The following DNAJC5 variants were observed in gnomAD, a reference collection of about 807,000 sequenced individuals.
DNAJC5 encodes DnaJ heat shock protein family (Hsp40) member C5.
DNAJC5 carries 1 observed loss-of-function variant against 23.2 expected under a neutral mutation model. The observed-to-expected ratio is 0.04, with a 90% CI of 0.02 to 0.20. The LOEUF is 0.20. Among genes scored for constraint, DNAJC5 ranks in the 10% least tolerant of loss-of-function variants. DNAJC5 has a pLI of 1.00. For missense variants in DNAJC5, 180 were observed against 267.0 expected, an observed-to-expected ratio of 0.67 and a Z score of 2.27; for synonymous variants, 136 against 120.0, an observed-to-expected ratio of 1.13 and a Z score of -0.87.
chr20:63,915,078 C>G (rs752557657), intron 1 of DNAJC5, among the ~76,000 whole-genome samples: 2 of 152,106 alleles, frequency 1.3e-5, no homozygotes, highest in Non-Finnish European at 2.9e-5. Context: ...CAGGGAGAGA[C>G]GGGCTGCTCC....
At chr20:63,919,147 C>G (rs1356140622) in intron 1 of DNAJC5, among the ~76,000 whole-genome samples, 3 of 152,166 alleles carry the variant, frequency 2.0e-5, no homozygotes, top group African/African-American at 7.2e-5. Context: ...CCCTGAAGAT[C>G]TTTAAGTCTT....
chr20:63,910,466 C>T (rs909540026), intron 1 of DNAJC5, among the ~76,000 whole-genome samples: 2 of 151,338 alleles, frequency 1.3e-5, no homozygotes, highest in African/African-American at 4.9e-5. Context: ...TGGCGTGAAC[C>T]TGGGAGGCAG....
intron 1 of DNAJC5, among the ~76,000 whole-genome samples, chr20:63,907,787 G>A (rs907568821): frequency 2.6e-5 from 4 of 152,206 alleles, no homozygotes; most frequent in Non-Finnish European, 5.9e-5. Context: ...TTTGTTTTGA[G>A]ACGGAGTCTC....
At chr20:63,905,578 T>C (rs2053443491) in intron 1 of DNAJC5, among the ~76,000 whole-genome samples, 1 of 151,406 alleles carries the variant, frequency 6.6e-6, no homozygotes, top group South Asian at 2.1e-4. Flanking sequence ...ATTTTTTTTT[T>C]TTTTTTTTCA....
intron 1 of DNAJC5, among the ~76,000 whole-genome samples, chr20:63,906,314 C>G (rs1038619783): frequency 6.6e-6 from 1 of 151,828 alleles, no homozygotes; most frequent in African/African-American, 2.4e-5. Flanking sequence ...TGGCGAAACC[C>G]CTTCCATCTC....
intron 1 of DNAJC5, among the ~76,000 whole-genome samples, chr20:63,927,009 G>GT (rs1449024955): frequency 6.6e-6 from 1 of 152,200 alleles, no homozygotes; most frequent in Non-Finnish European, 1.5e-5. Flanking sequence ...AATATCAAGA[G>GT]TATCTTCCTC....
In DNAJC5 at chr20:63,929,091, C is replaced by G. The variant is rs2053639579; in HGVS notation, c.108-221C>G. 6.6e-6 allele frequency among the ~76,000 whole-genome samples: 1 copy of G among 152,224 alleles called. No individual in the cohort carries two copies. Among genetic ancestry groups the G allele is most frequent in the Admixed American group, 6.5e-5 (1 of 15,282 alleles). ...TGGCACTCACAGCCCTTGGGGCTCC[C>G]TCCTCTGAGGCTGGGTCAGGGTGAG... is the stretch of plus-strand genomic sequence containing the variant. On this transcript the variant is annotated intron_variant, in intron 2 of 4. Transcript: ENST00000360864. The surrounding 1 kb of genome is among the most constrained non-coding windows in gnomAD (Gnocchi z 8.6).
In DNAJC5 at chr20:63,929,670, C is replaced by G; in HGVS notation, c.321+145C>G. 1.2e-6 allele frequency: 1 copy of G among 824,164 alleles called. No homozygotes were observed. Among genetic ancestry groups the G allele is most frequent in the Non-Finnish European group, 2.0e-6 (1 of 505,020 alleles). The allele number at this position is 824,164 out of a possible 1,614,324, so 51.1% of individuals were successfully genotyped here. A position where few individuals can be genotyped will look rare whatever the true frequency, so the allele number is the denominator to read the frequency against. ...CTGCCGTGCGGGCACCCGAGTCTCT[C>G]CTGCCGTGCGGGCACCCGAGTCACT... is the stretch of plus-strand genomic sequence containing the variant. On this transcript the variant is annotated intron_variant, in intron 3 of 4. Coordinates refer to ENST00000360864, the MANE Select transcript of DNAJC5 (RefSeq NM_025219.3). The surrounding 1 kb of genome is among the most constrained non-coding windows in gnomAD (Gnocchi z 8.6).
Position 63,912,601 on chromosome 20 carries a change from TTTTG to T in DNAJC5, c.-11-15722_-11-15719del, listed in dbSNP as rs1038786055. 5.3e-5 allele frequency among the ~76,000 whole-genome samples: 8 copies of T among 152,036 alleles called. No homozygotes were observed. The East Asian group carries it at 5.8e-4, about 11-fold the overall frequency. ...TCTGAGTATCCTTTGGCAGTCAGGTTTTTGTTTGTTTGTTTTTGAGACGGAGTCT... is the reference window on the plus strand; with the variant it reads ...TCTGAGTATCCTTTGGCAGTCAGGTTTTTGTTTGTTTTTGAGACGGAGTCT... On this transcript the variant is annotated intron_variant, in intron 1 of 4. Coordinates refer to ENST00000360864, the MANE Select transcript of DNAJC5 (RefSeq NM_025219.3).
At chr20:63,913,071 C>T (rs559845487) in intron 1 of DNAJC5, among the ~76,000 whole-genome samples, 1 of 152,266 alleles carries the variant, frequency 6.6e-6, no homozygotes, top group Non-Finnish European at 1.5e-5. Flanking sequence ...TAGTTCCCTG[C>T]CCCGTCTCCA....
intron 1 of DNAJC5, among the ~76,000 whole-genome samples, chr20:63,927,882 T>A (rs1165832156): frequency 6.6e-6 from 1 of 152,246 alleles, no homozygotes; most frequent in Non-Finnish European, 1.5e-5. Flanking sequence ...CTCTTTGCAT[T>A]TTTTATGCAG....
chr20:63,928,215 T>C lies in DNAJC5; in HGVS notation c.-11-120T>C, dbSNP rs2053631507. On this transcript the variant is annotated intron_variant, in intron 1 of 4. Transcript: ENST00000360864. This position sits in a 1 kb window ranked among gnomAD's most constrained non-coding sequence, Gnocchi z 4.6. Reference sequence around the variant, plus strand: ...GCGTCTGTCTGTGCACGTGGCAAACTCCACAAGGCAGTGTTGGATTCTTTT... The same window carrying C: ...GCGTCTGTCTGTGCACGTGGCAAACCCCACAAGGCAGTGTTGGATTCTTTT... The C allele has an allele frequency of 2.4e-6, 2 of 820,574 alleles. No homozygotes were observed. The highest frequency in any genetic ancestry group is 2.9e-5 in the South Asian group (2 of 69,626). The allele number at this position is 820,574 out of a possible 1,614,324, so 50.8% of individuals were successfully genotyped here.
intron 1 of DNAJC5, among the ~76,000 whole-genome samples, chr20:63,926,857 C>A (rs1169477724): frequency 6.6e-6 from 1 of 152,248 alleles, no homozygotes; most frequent in Non-Finnish European, 1.5e-5. Flanking sequence ...AGTCATGTTT[C>A]ATCTGGGTGC....
intron 1 of DNAJC5, among the ~76,000 whole-genome samples, chr20:63,899,788 A>G (rs530787084): frequency 2.8e-4 from 42 of 150,968 alleles, no homozygotes; most frequent in East Asian, 5.9e-4. Context: ...TCGCGGTGTT[A>G]GCCAGGATGG....
chr20:63,929,221 C>T lies in DNAJC5; in HGVS notation c.108-91C>T. 6.8e-7 allele frequency: 1 copy of T among 1,465,186 alleles called. No homozygotes were observed. Among genetic ancestry groups the T allele is most frequent in the South Asian group, 1.2e-5 (1 of 82,740 alleles). The allele number at this position is 1,465,186 out of a possible 1,614,324, so 90.8% of individuals were successfully genotyped here. On this transcript the variant is annotated intron_variant, in intron 2 of 4. Coordinates refer to ENST00000360864, the MANE Select transcript of DNAJC5 (RefSeq NM_025219.3). The surrounding 1 kb of genome is among the most constrained non-coding windows in gnomAD (Gnocchi z 8.6). ...CTGGGTGGACCTGCCTTCCACTGCA[C>T]CCGGCAGTGCGTGCGGGTGGGATGG...
chr20:63,929,144 T>C lies in DNAJC5; in HGVS notation c.108-168T>C, dbSNP rs2053639865. On this transcript the variant is annotated intron_variant, in intron 2 of 4. Coordinates refer to ENST00000360864, the MANE Select transcript of DNAJC5 (RefSeq NM_025219.3). The surrounding 1 kb of genome is among the most constrained non-coding windows in gnomAD (Gnocchi z 8.6). ...GGTTTACCTGAAACAACCGCGGAGC[T>C]TGCTTTTGTCCCTGGCCCCTGCAGC... Among the ~76,000 whole-genome samples the C allele has an allele frequency of 6.6e-6, 1 of 152,130 alleles. No individual in the cohort carries two copies. The highest frequency in any genetic ancestry group is 2.1e-4 in the South Asian group (1 of 4,824).
intron 1 of DNAJC5, among the ~76,000 whole-genome samples, chr20:63,896,175 T>C (rs1252740667): frequency 6.6e-6 from 1 of 152,214 alleles, no homozygotes; most frequent in Non-Finnish European, 1.5e-5. Context: ...GTTACATTGC[T>C]CCCACTATTG....
At chr20:63,921,975 C>T (rs1157509316) in intron 1 of DNAJC5, among the ~76,000 whole-genome samples, 3 of 152,044 alleles carry the variant, frequency 2.0e-5, no homozygotes, top group Non-Finnish European at 4.4e-5. Context: ...GATGAGGTTT[C>T]ACCACGTTGG....
At chr20:63,916,233 CCAT>C (rs1400964672) in intron 1 of DNAJC5, among the ~76,000 whole-genome samples, 1 of 152,204 alleles carries the variant, frequency 6.6e-6, no homozygotes, top group African/African-American at 2.4e-5. Context: ...CGGGCATGAG[CCAT>C]CATGCCTGGT....
Sources: allele counts gnomAD v4.1 joint callset (sites outside exome capture counted in the v4.1 genomes callset), GRCh38; gene constraint gnomAD v4.1.1; non-coding constraint Gnocchi (gnomAD v3.1); transcripts MANE v1.5; gene names NCBI Gene and HGNC (gene_info 2026-07-23, HGNC 2026-07-21).